The following SPMIP1 variants were observed in gnomAD, a reference collection of about 807,000 sequenced individuals.
SPMIP1 encodes protein SPMIP1.
At chr7:128,869,220 T>C in the SPMIP1 span, 23 of 234,334 alleles carry the variant, frequency 9.8e-5, no homozygotes, top group East Asian at 1.6e-4. Flanking sequence ...CTCCAGCTGC[T>C]CCCGCAGGGC....
chr7:128,867,989 C>G, the SPMIP1 span, among the ~76,000 whole-genome samples: 3 of 152,184 alleles, frequency 2.0e-5, no homozygotes, highest in African/African-American at 7.2e-5. Flanking sequence ...GGAAGCCTGT[C>G]CATCTCGGCT....
At chr7:128,867,697 G>A in the SPMIP1 span, among the ~76,000 whole-genome samples, 3 of 152,062 alleles carry the variant, frequency 2.0e-5, no homozygotes, top group African/African-American at 7.3e-5. Flanking sequence ...TCAGCCTCCC[G>A]AGTAGCTGGG....
the SPMIP1 span, chr7:128,869,790 G>T: frequency 6.6e-6 from 1 of 152,504 alleles, no homozygotes; most frequent in East Asian, 1.9e-4. Flanking sequence ...GCCTTGGGAC[G>T]CTCAGGGCCG....
the SPMIP1 span, chr7:128,869,622 CCCGGAG>C: frequency 6.6e-6 from 1 of 152,244 alleles, no homozygotes; most frequent in Non-Finnish European, 1.5e-5. Flanking sequence ...TGGGGACACA[CCCGGAG>C]CCGCTGCTGC....
the SPMIP1 span, chr7:128,868,990 A>G: frequency 2.0e-6 from 1 of 494,498 alleles, no homozygotes; most frequent in Non-Finnish European, 3.6e-6. Context: ...CAATGACCAG[A>G]GGGTGCTGGG....
chr7:128,868,669 C>T, the SPMIP1 span: 1,269 of 1,533,656 alleles, frequency 8.3e-4, 10 homozygotes, highest in African/African-American at 0.016. Context: ...TTCCCAGGCC[C>T]CCCAGTGAAG....
chr7:128,870,271 C>T, the SPMIP1 span: 1 of 152,432 alleles, frequency 6.6e-6, no homozygotes, highest in Non-Finnish European at 1.5e-5. Context: ...CTCCGGGAGC[C>T]ACCTCCCAGG....
the SPMIP1 span, chr7:128,869,335 G>C: frequency 1.1e-4 from 17 of 156,876 alleles, no homozygotes; most frequent in African/African-American, 4.1e-4. Context: ...CTCGCGCCCC[G>C]CCGAGTCACT....
At chr7:128,867,302 G>A in the SPMIP1 span, among the ~76,000 whole-genome samples, 5 of 152,194 alleles carry the variant, frequency 3.3e-5, no homozygotes, top group Non-Finnish European at 7.3e-5. Context: ...GGATGTTTTG[G>A]GGGAAGACTC....
the SPMIP1 span, chr7:128,866,334 G>C: frequency 3.5e-3 from 4,192 of 1,211,590 alleles, 119 homozygotes; most frequent in South Asian, 0.046. Flanking sequence ...GCAGCCACTC[G>C]CCGTCAGAAG....
At chr7:128,869,120 G>A in the SPMIP1 span, 1 of 387,134 alleles carries the variant, frequency 2.6e-6, no homozygotes, top group East Asian at 3.7e-5. Flanking sequence ...CCAGGGAAAG[G>A]GGCCTCCTGC....
At chr7:128,869,864 G>T in the SPMIP1 span, 1 of 152,348 alleles carries the variant, frequency 6.6e-6, no homozygotes. Flanking sequence ...CCCCCGGTGC[G>T]GGGCCCACTC....
At chr7:128,866,773 C>T in the SPMIP1 span, 1 of 1,536,068 alleles carries the variant, frequency 6.5e-7, no homozygotes, top group Non-Finnish European at 8.7e-7. Flanking sequence ...ACTGGACATG[C>T]CAGAGACGCG....
chr7:128,866,712 A>C, the SPMIP1 span: 1 of 1,536,004 alleles, frequency 6.5e-7, no homozygotes, highest in Non-Finnish European at 8.7e-7. Flanking sequence ...TGCTGTATGA[A>C]GGCATCTCCC....
the SPMIP1 span, chr7:128,868,708 G>A: frequency 2.0e-6 from 3 of 1,535,776 alleles, no homozygotes; most frequent in African/African-American, 2.7e-5. Flanking sequence ...AAGATGTGCC[G>A]CATTGAGTCA....
the SPMIP1 span, chr7:128,870,147 G>A: frequency 1.3e-5 from 2 of 152,376 alleles, no homozygotes; most frequent in African/African-American, 2.4e-5. Context: ...GTCCTTCTCC[G>A]GAGGTTTGGG....
chr7:128,868,432 G>A, the SPMIP1 span, among the ~76,000 whole-genome samples: 1 of 152,200 alleles, frequency 6.6e-6, no homozygotes. Flanking sequence ...CCTCCCTGCA[G>A]GTAGAGGATC....
the SPMIP1 span, chr7:128,869,093 G>C: frequency 2.5e-6 from 1 of 397,036 alleles, no homozygotes; most frequent in Non-Finnish European, 4.4e-6. Flanking sequence ...GGAGAGAGCG[G>C]CTTGTCATTT....
At chr7:128,868,433 G>A in the SPMIP1 span, among the ~76,000 whole-genome samples, 1 of 152,194 alleles carries the variant, frequency 6.6e-6, no homozygotes, top group East Asian at 1.9e-4. Flanking sequence ...CTCCCTGCAG[G>A]TAGAGGATCC....
Sources: allele counts gnomAD v4.1 joint callset (sites outside exome capture counted in the v4.1 genomes callset), GRCh38; gene constraint gnomAD v4.1.1; transcripts MANE v1.5; gene names NCBI Gene and HGNC (gene_info 2026-07-23, HGNC 2026-07-21).